FNDC1: variants seen among roughly 807,000 people sequenced by gnomAD.
The protein encoded by FNDC1 is fibronectin type III domain-containing protein 1.
Under a neutral mutation model 168.0 loss-of-function variants are expected in FNDC1, and 96 were observed. The ratio of observed to expected loss-of-function variants is 0.57; its 90% confidence interval spans 0.48 to 0.68. The LOEUF (loss-of-function observed/expected upper bound fraction) is 0.68. Ranked by LOEUF, FNDC1 falls within the 30% of genes least tolerant of loss-of-function variation. FNDC1 has a pLI of 0.00. For missense variants in FNDC1, 2,587 were observed against 2,482.1 expected (o/e 1.04, Z -0.90); for synonymous variants, 1,099 against 1,025.9 (o/e 1.07, Z -1.36).
intron 1 of FNDC1, among the ~76,000 whole-genome samples, chr6:159,187,757 T>C (rs1782033458): frequency 6.6e-6 from 1 of 152,216 alleles, no homozygotes; most frequent in Non-Finnish European, 1.5e-5. Context: ...TGAAAAAATA[T>C]TTAAAATTTG....
At chr6:159,230,859 G>A (rs781740096) in intron 10 of FNDC1, among the ~76,000 whole-genome samples, 1 of 152,090 alleles carries the variant, frequency 6.6e-6, no homozygotes, top group African/African-American at 2.4e-5. Flanking sequence ...TGCAATATAG[G>A]TTCCTCTCCC....
chr6:159,204,913 A>G (rs1782457154), intron 4 of FNDC1, among the ~76,000 whole-genome samples: 1 of 152,190 alleles, frequency 6.6e-6, no homozygotes, highest in Non-Finnish European at 1.5e-5. Flanking sequence ...CACTTCTAGT[A>G]GGTGACTTGC....
At chr6:159,199,196 G>A (rs1277716862) in intron 2 of FNDC1, among the ~76,000 whole-genome samples, 1 of 152,202 alleles carries the variant, frequency 6.6e-6, no homozygotes, top group Non-Finnish European at 1.5e-5. Context: ...TTCATTTTCA[G>A]GAAACCTAGT....
At chr6:159,254,490 G>C (rs775212858) in intron 17 of FNDC1, among the ~76,000 whole-genome samples, 2 of 152,060 alleles carry the variant, frequency 1.3e-5, no homozygotes, top group Non-Finnish European at 2.9e-5. Flanking sequence ...CTCAGACTTG[G>C]TGTATAAAAA....
chr6:159,228,385 A>T (rs1275680792), intron 9 of FNDC1, among the ~76,000 whole-genome samples: 1 of 152,186 alleles, frequency 6.6e-6, no homozygotes, highest in African/African-American at 2.4e-5. Context: ...TTCCAGATGG[A>T]TTTAATTTAT....
chr6:159,232,375 C>T lies in FNDC1; in HGVS notation c.1863C>T (p.Ala621=). 1 of 1,613,580 alleles carries T rather than the reference C, an allele frequency of 6.2e-7. No individual in the cohort carries two copies. The highest frequency in any genetic ancestry group is 8.5e-7 in the Non-Finnish European group (1 of 1,179,688). The part of the protein sequence containing the change: ...GAPPSASASP[A]HHASTQGTSH... ...CCCCCTCGGCTTCGGCCTCTCCTGC[C>T]CACCACGCGTCCACCCAGGGCACCT... Residue 621 remains alanine, a synonymous_variant, in exon 11 of 23, where the codon GCC becomes GCT. Coordinates refer to ENST00000297267, the MANE Select transcript of FNDC1 (RefSeq NM_032532.3). The surrounding 1 kb of genome is among the most constrained non-coding windows in gnomAD (Gnocchi z 4.9).
chr6:159,177,391 T>G (rs1781786286), intron 1 of FNDC1, among the ~76,000 whole-genome samples: 1 of 152,150 alleles, frequency 6.6e-6, no homozygotes, highest in Admixed American at 6.5e-5. Flanking sequence ...TAATTTTTCA[T>G]GATCCCACAT....
At chr6:159,250,660 C>A (rs1777235108) in intron 16 of FNDC1, among the ~76,000 whole-genome samples, 1 of 152,198 alleles carries the variant, frequency 6.6e-6, no homozygotes, top group East Asian at 1.9e-4. Flanking sequence ...CATATCCTGC[C>A]TTACTCCCAG....
At chr6:159,197,772 T>A in intron 2 of FNDC1, 147 bp downstream of exon 2, 1 of 669,358 alleles carries the variant, frequency 1.5e-6, no homozygotes, top group South Asian at 2.5e-5. Flanking sequence ...AGTTCTGAGA[T>A]GCTTGTCGGA....
In FNDC1 at chr6:159,250,526, T is replaced by C. The variant is rs1434840626; in HGVS notation, c.4835-776T>C. Reference sequence around the variant, plus strand: ...AAGCCCCAATCCCAAGTCCTTGGCATTTCTAATTTAGTGGGATATAATAGA... The same window carrying C: ...AAGCCCCAATCCCAAGTCCTTGGCACTTCTAATTTAGTGGGATATAATAGA... On this transcript the variant is annotated intron_variant, in intron 16 of 22. Coordinates refer to ENST00000297267, the MANE Select transcript of FNDC1 (RefSeq NM_032532.3). 2.0e-5 allele frequency among the ~76,000 whole-genome samples: 3 copies of C among 152,288 alleles called. No individual in the cohort carries two copies. In the South Asian group the frequency reaches 6.2e-4, roughly 32 times the overall value.
chr6:159,252,682 C>A (rs1338988532), intron 17 of FNDC1, among the ~76,000 whole-genome samples: 1 of 152,128 alleles, frequency 6.6e-6, no homozygotes. Context: ...TGGAAGGAGG[C>A]AAGCTTGTAA....
At chr6:159,262,848 C>T (rs1182106858) in intron 19 of FNDC1, among the ~76,000 whole-genome samples, 1 of 152,152 alleles carries the variant, frequency 6.6e-6, no homozygotes, top group Non-Finnish European at 1.5e-5. Flanking sequence ...CAATGAGCTC[C>T]CAGAGGAGCC....
At chr6:159,248,931 G>A in intron 15 of FNDC1, 108 bp from the exon 16 acceptor site, 1 of 1,019,094 alleles carries the variant, frequency 9.8e-7, no homozygotes, top group South Asian at 1.8e-5. Flanking sequence ...GTGTCTGTCT[G>A]TCTGTCTGGG....
chr6:159,177,018 A>G (rs1237229597), intron 1 of FNDC1, among the ~76,000 whole-genome samples: 1 of 152,174 alleles, frequency 6.6e-6, no homozygotes, highest in Non-Finnish European at 1.5e-5. Flanking sequence ...GGGTAGCATA[A>G]GTCTCATGTA....
chr6:159,206,395 G>A (rs1782487214), intron 4 of FNDC1, among the ~76,000 whole-genome samples: 1 of 152,228 alleles, frequency 6.6e-6, no homozygotes, highest in African/African-American at 2.4e-5. Flanking sequence ...TCATGGCCTG[G>A]AAGGTGAGCT....
chr6:159,239,730 C>T lies in FNDC1; in HGVS notation c.4394C>T (p.Thr1465Ile). 1 of 1,548,238 alleles carries T rather than the reference C, an allele frequency of 6.5e-7. No individual in the cohort carries two copies. Among genetic ancestry groups the T allele is most frequent in the Non-Finnish European group, 8.7e-7 (1 of 1,144,902 alleles). ...ACGACGCCCCTGCCTACCACTACAA[C>T]CCCGAGGCCCACCACTGCCACCACC... ...TTTTPLPTTT[T>I]PRPTTATTRR... Residue 1465 changes from threonine (T) to isoleucine (I), a missense_variant, in exon 14 of 23, where the codon ACC becomes ATC. Transcript: ENST00000297267.
chr6:159,198,078 C>A (rs939734556), intron 2 of FNDC1, among the ~76,000 whole-genome samples: 1 of 152,160 alleles, frequency 6.6e-6, no homozygotes, highest in Non-Finnish European at 1.5e-5. Flanking sequence ...AGATGTAACA[C>A]TTTGCCCCAT....
intron 1 of FNDC1, among the ~76,000 whole-genome samples, chr6:159,176,733 AG>A (rs1184612850): frequency 1.3e-5 from 2 of 152,144 alleles, no homozygotes; most frequent in Admixed American, 6.5e-5. Flanking sequence ...GAGTGCCATA[AG>A]GTGGCATGTC....
intron 14 of FNDC1, among the ~76,000 whole-genome samples, chr6:159,240,480 G>A (rs957167162): frequency 1.3e-5 from 2 of 152,188 alleles, no homozygotes; most frequent in Admixed American, 1.3e-4. Flanking sequence ...GAAAAGGAAT[G>A]TTTCCCTAGC....
Sources: gnomAD v4.1 joint callset for allele counts (sites outside exome capture counted in the v4.1 genomes callset) on GRCh38, gnomAD v4.1.1 for gene constraint, Gnocchi (gnomAD v3.1) non-coding constraint, MANE v1.5 for transcripts, NCBI Gene and HGNC (gene_info 2026-07-23, HGNC 2026-07-21) for gene names.